Variants in TLE1 observed in about 807,000 individuals in gnomAD.
The protein encoded by TLE1 is TLE family member 1, transcriptional corepressor.
In TLE1, 21 loss-of-function variants were observed where a neutral mutation model predicts 89.8. The observed-to-expected ratio is 0.23, with a 90% CI of 0.17 to 0.34. The LOEUF is 0.34. Among genes scored for constraint, TLE1 ranks in the 10% least tolerant of loss-of-function variants. The probability of loss-of-function intolerance (pLI) is 1.00; values close to 1 mark genes in which losing one functional copy is unlikely to be tolerated. For missense variants in TLE1, 795 were observed against 1,031.2 expected (o/e 0.77, Z 3.14); for synonymous variants, 447 against 407.6 (o/e 1.10, Z -1.16).
chr9:81,668,109 G>A (rs1269842556), intron 4 of TLE1, among the ~76,000 whole-genome samples: 2 of 151,894 alleles, frequency 1.3e-5, no homozygotes, highest in South Asian at 2.1e-4. Context: ...AGGTCGCGAT[G>A]AGCCGAGATC....
chr9:81,599,832 T>C (rs1830681969), intron 14 of TLE1: 1 of 368,246 alleles, frequency 2.7e-6, no homozygotes, highest in Non-Finnish European at 4.9e-6. Flanking sequence ...AACTTGAAAG[T>C]AGCAAACTTC....
intron 6 of TLE1, among the ~76,000 whole-genome samples, chr9:81,650,007 A>C (rs1250815416): frequency 1.3e-5 from 2 of 152,164 alleles, no homozygotes; most frequent in Admixed American, 6.5e-5. Context: ...TAAAAACCGC[A>C]CATGCCAGTA....
chr9:81,687,957 G>A (rs147339622), intron 1 of TLE1, among the ~76,000 whole-genome samples: 3,253 of 152,244 alleles, frequency 0.021, 99 homozygotes, highest in African/African-American at 0.07. Context: ...ATGGCTGCAG[G>A]AGAGAAACCC....
chr9:81,601,990 A>AT (rs1024105317), intron 14 of TLE1, among the ~76,000 whole-genome samples: 7 of 152,210 alleles, frequency 4.6e-5, no homozygotes, highest in Non-Finnish European at 7.3e-5. Flanking sequence ...GTACACGATT[A>AT]TAATCCAAGC....
At chr9:81,674,217 G>A (rs769133556) in intron 4 of TLE1, among the ~76,000 whole-genome samples, 24 of 152,196 alleles carry the variant, frequency 1.6e-4, no homozygotes, top group Non-Finnish European at 2.9e-4. Flanking sequence ...AGTCACTTGT[G>A]TTCTGTAATA....
chr9:81,687,906 G>C (rs1345143551), intron 1 of TLE1, among the ~76,000 whole-genome samples: 2 of 152,112 alleles, frequency 1.3e-5, no homozygotes, highest in South Asian at 4.1e-4. Context: ...AGAAACAAAG[G>C]GGGGGGCGCC....
intron 4 of TLE1, among the ~76,000 whole-genome samples, chr9:81,654,471 G>C (rs1564031779): frequency 1.3e-5 from 2 of 152,104 alleles, no homozygotes; most frequent in Non-Finnish European, 1.5e-5. Flanking sequence ...CTCCCAAGTA[G>C]CTGGGACTAC....
In TLE1 at chr9:81,688,538, G is replaced by A. The variant is rs1834670844; in HGVS notation, c.-298C>T. 1 of 334,696 alleles carries A rather than the reference G, an allele frequency of 3.0e-6. No individual in the cohort carries two copies. The highest frequency in any genetic ancestry group is 2.1e-5 in the African/African-American group (1 of 46,586). The allele number at this position is 334,696 out of a possible 1,614,324, so 20.7% of individuals were successfully genotyped here. On this transcript the variant is annotated 5_prime_UTR_variant, in exon 1 of 20. Coordinates refer to ENST00000376499, the MANE Select transcript of TLE1 (RefSeq NM_005077.5). ...CGCTCGGGGACTGTGCGCGGGGGCA[G>A]CGCTCCAACCCCCGGCCTCAGCTGC...
At chr9:81,613,818 T>TA (rs1748386777) in intron 11 of TLE1, among the ~76,000 whole-genome samples, 1 of 151,990 alleles carries the variant, frequency 6.6e-6, no homozygotes, top group Admixed American at 6.6e-5. Context: ...TACGCCAAGT[T>TA]AGAAAGATGA....
intron 5 of TLE1, 42 bp downstream of exon 5, chr9:81,653,932 A>G (rs1480120137): frequency 1.9e-6 from 3 of 1,577,924 alleles, no homozygotes; most frequent in Non-Finnish European, 2.6e-6. Context: ...CAAACAGAGA[A>G]GCAACATAAT....
intron 4 of TLE1, among the ~76,000 whole-genome samples, chr9:81,678,830 A>T (rs1451397288): frequency 3.4e-5 from 5 of 146,942 alleles, no homozygotes; most frequent in Non-Finnish European, 7.4e-5. Flanking sequence ...ACAGAGCAAG[A>T]CTCCATCTCA....
intron 16 of TLE1, among the ~76,000 whole-genome samples, chr9:81,588,515 C>G (rs893337285): frequency 6.6e-6 from 1 of 152,178 alleles, no homozygotes; most frequent in African/African-American, 2.4e-5. Flanking sequence ...GACCCACGGG[C>G]ACCTCAGCAA....
At position 81,626,369 on chromosome 9, in the gene TLE1, T is replaced by G. The variant is rs541497969; in HGVS notation, c.595-5812A>C. 8.0e-5 allele frequency among the ~76,000 whole-genome samples: 12 copies of G among 149,578 alleles called. No individual in the cohort carries two copies. In the East Asian group the frequency reaches 2.4e-3, roughly 30 times the overall value. ...CGCACCCCATCACATCTGTGTGCCT[T>G]CTCCATCTACACCTGGTGTCAATCA... is the stretch of plus-strand genomic sequence containing the variant. On this transcript the variant is annotated intron_variant, in intron 8 of 19. Transcript: ENST00000376499.
chr9:81,663,952 T>G (rs1448645410), intron 4 of TLE1, among the ~76,000 whole-genome samples: 3 of 151,982 alleles, frequency 2.0e-5, no homozygotes, highest in Non-Finnish European at 2.9e-5. Context: ...GGGACCTCAA[T>G]TATAAATTGC....
At chr9:81,600,686 A>G (rs899209186) in intron 14 of TLE1, among the ~76,000 whole-genome samples, 1 of 152,002 alleles carries the variant, frequency 6.6e-6, no homozygotes, top group Non-Finnish European at 1.5e-5. Context: ...TTATATGTCA[A>G]CTTGATTAAA....
intron 4 of TLE1, 57 bp downstream of exon 4, chr9:81,685,616 GTAT>G: frequency 6.4e-7 from 1 of 1,562,772 alleles, no homozygotes; most frequent in Non-Finnish European, 8.8e-7. Context: ...AACAAAGCCA[GTAT>G]TATTAAATCA....
chr9:81,585,560 C>G lies in TLE1; in HGVS notation c.2073G>C (p.Lys691Asn), dbSNP rs2131728778. ...VEVLHVNKPD[K>N]YQLHLHESCV... is the part of the protein sequence containing the mutation. Reference sequence around the variant, plus strand: ...AGCTCTCATGCAGGTGCAGCTGGTACTTGTCAGGCTTGTTCACGTGCAGCA... The same window carrying G: ...AGCTCTCATGCAGGTGCAGCTGGTAGTTGTCAGGCTTGTTCACGTGCAGCA... The change falls in exon 18 of 20, where the codon AAG (lysine) becomes AAC (asparagine). Residue 691 changes from lysine (K) to asparagine (N), a missense_variant. This residue lies in a region of TLE1 where 214 missense variants were observed against 354.9 expected (regional missense o/e 0.60). Coordinates refer to ENST00000376499, the MANE Select transcript of TLE1 (RefSeq NM_005077.5). 6.2e-7 allele frequency: 1 copy of G among 1,614,166 alleles called. No individual in the cohort carries two copies. Among genetic ancestry groups the G allele is most frequent in the African/African-American group, 1.3e-5 (1 of 75,052 alleles).
At chr9:81,648,000 G>A (rs538044955) in intron 6 of TLE1, among the ~76,000 whole-genome samples, 5 of 152,172 alleles carry the variant, frequency 3.3e-5, no homozygotes, top group South Asian at 4.2e-4. Flanking sequence ...GGGCAGGCAC[G>A]GTGGCTTACA....
chr9:81,614,427 C>A (rs914174742), intron 11 of TLE1, among the ~76,000 whole-genome samples: 9 of 152,238 alleles, frequency 5.9e-5, no homozygotes, highest in East Asian at 1.9e-4. Flanking sequence ...CAGCAAGGGG[C>A]CTTTCGGAGA....
Sources: allele counts gnomAD v4.1 joint callset (sites outside exome capture counted in the v4.1 genomes callset), GRCh38; gene constraint gnomAD v4.1.1; regional missense constraint gnomAD v4.1.1; transcripts MANE v1.5; gene names NCBI Gene and HGNC (gene_info 2026-07-23, HGNC 2026-07-21).